The following DHPS variants were observed in gnomAD, a reference collection of about 807,000 sequenced individuals.
DHPS encodes migration-inducing gene 13.
In DHPS, 24 loss-of-function variants were observed where a neutral mutation model predicts 38.7. That is an observed-to-expected ratio of 0.62 (90% CI 0.45 to 0.87). The LOEUF is 0.87. Among genes scored for constraint, DHPS ranks in the 40% least tolerant of loss-of-function variants. The probability of loss-of-function intolerance (pLI) is 0.00; values close to 1 mark genes in which losing one functional copy is unlikely to be tolerated. For missense variants in DHPS, 510 were observed against 497.6 expected (o/e 1.02, Z -0.24); for synonymous variants, 250 against 204.4 (o/e 1.22, Z -1.90).
At position 12,680,279 on chromosome 19, in the gene DHPS, G is replaced by C. The variant is rs1050609; in HGVS notation, c.254C>G (p.Ala85Gly). The change falls in exon 2 of 9, where the codon GCG (alanine) becomes GGG (glycine). Residue 85 changes from alanine (A) to glycine (G), a missense_variant. Transcript: ENST00000210060. ...TGGGCGGCGGCTCTGGGTCAGGTCCGCGTGCTGGTCTTCATCCTGTGACAG... is the reference window on the plus strand; with the variant it reads ...TGGGCGGCGGCTCTGGGTCAGGTCCCCGTGCTGGTCTTCATCCTGTGACAG... ...EPLSQDEDQH[A>G]DLTQSRRPLT... is the part of the protein sequence containing the mutation. 3 of 1,614,112 alleles carry C rather than the reference G, an allele frequency of 1.9e-6. No individual in the cohort carries two copies. Among genetic ancestry groups the C allele is most frequent in the Non-Finnish European group, 2.5e-6 (3 of 1,180,018 alleles).
At chr19:12,681,524 C>A in intron 1 of DHPS, 36 bp downstream of exon 1, 1 of 1,612,060 alleles carries the variant, frequency 6.2e-7, no homozygotes, top group South Asian at 1.1e-5. Context: ...CAAGCCACGC[C>A]CCTCCGCGTC....
At chr19:12,678,124 T>C (rs530365295) in intron 5 of DHPS, among the ~76,000 whole-genome samples, 1 of 151,792 alleles carries the variant, frequency 6.6e-6, no homozygotes, top group South Asian at 2.1e-4. Flanking sequence ...TGGTGGCACA[T>C]GCCTATAATC....
chr19:12,676,823 T>A (rs2024605239), intron 7 of DHPS: 2 of 465,670 alleles, frequency 4.3e-6, no homozygotes, highest in Admixed American at 3.4e-5. Flanking sequence ...TCCTGGGAGA[T>A]GCCTCCCCAA....
chr19:12,673,723 CTTTTT>C, downstream of DHPS, among the ~76,000 whole-genome samples: 1 of 150,698 alleles, frequency 6.6e-6, no homozygotes, highest in East Asian at 2.0e-4. Flanking sequence ...GCCCTTTTTT[CTTTTT>C]TTGAGACTAT....
intron 1 of DHPS, 94 bp downstream of exon 1, chr19:12,681,466 T>G: frequency 1.4e-6 from 2 of 1,394,732 alleles, no homozygotes; most frequent in Admixed American, 1.9e-5. Flanking sequence ...AAAAGACATA[T>G]CCCCTCCACT....
downstream of DHPS, among the ~76,000 whole-genome samples, chr19:12,673,787 C>A (rs558945240): frequency 1.3e-5 from 2 of 152,122 alleles, no homozygotes; most frequent in Non-Finnish European, 1.5e-5. Context: ...CAACCTCTTC[C>A]CCCCAGGGTT....
chr19:12,677,456 T>C (rs2024644742), intron 5 of DHPS, 60 bp from the exon 6 acceptor site: 1 of 1,430,044 alleles, frequency 7.0e-7, no homozygotes, highest in Non-Finnish European at 9.7e-7. Context: ...ATGCTGGCTA[T>C]ATGACTATCT....
chr19:12,673,732 A>G (rs539332378), downstream of DHPS, among the ~76,000 whole-genome samples: 33 of 148,940 alleles, frequency 2.2e-4, no homozygotes, highest in Non-Finnish European at 4.2e-4. Context: ...TCTTTTTTTG[A>G]GACTATTGCC....
intron 5 of DHPS, 123 bp from the exon 6 acceptor site, chr19:12,677,519 A>G (rs1441936151): frequency 5.2e-6 from 4 of 767,760 alleles, no homozygotes; most frequent in African/African-American, 1.8e-5. Context: ...AATTATAAGC[A>G]TAACAGAAAC....
At chr19:12,678,831 T>C (rs78893384) in intron 5 of DHPS, among the ~76,000 whole-genome samples, 2,291 of 146,800 alleles carry the variant, frequency 0.016, 33 homozygotes, top group Non-Finnish European at 0.027. Flanking sequence ...AGGTTCTGAT[T>C]CTCTAATTAA....
At position 12,675,744 on chromosome 19, in the gene DHPS, C is replaced by A; in HGVS notation, c.*94G>T. On this transcript the variant is annotated 3_prime_UTR_variant, in exon 9 of 9. Coordinates refer to ENST00000210060, the MANE Select transcript of DHPS (RefSeq NM_001930.4). ...GAAGGACTTCAGATACCATCTTATT[C>A]TAGAGACGTAGCTGACCAAAAAGTA... 6.3e-7 allele frequency: 1 copy of A among 1,576,970 alleles called. No homozygotes were observed. The highest frequency in any genetic ancestry group is 8.6e-7 in the Non-Finnish European group (1 of 1,162,142).
At position 12,676,891 on chromosome 19, in the gene DHPS, G is replaced by A. The variant is rs143726559; in HGVS notation, c.888+217C>T. The A allele has an allele frequency of 6.3e-4, 360 of 568,826 alleles. 2 individuals are homozygous for A. Among genetic ancestry groups the A allele is most frequent in the African/African-American group, 6.3e-3 (338 of 53,412 alleles). 35.2% of individuals were successfully genotyped at this position (568,826 alleles called of 1,614,324 possible). ...TCCTTCCAAAACCTCTTGTTGGACA[G>A]CACCCCTTTCTCTTCTCATGCCATC... is the stretch of plus-strand genomic sequence containing the variant. On this transcript the variant is annotated intron_variant, in intron 7 of 8. Coordinates refer to ENST00000210060, the MANE Select transcript of DHPS (RefSeq NM_001930.4).
At chr19:12,676,365 A>C (rs1599378474) in intron 7 of DHPS, 1 of 565,624 alleles carries the variant, frequency 1.8e-6, no homozygotes, top group Non-Finnish European at 3.0e-6. Flanking sequence ...GGTGTCAACA[A>C]CCCTGCCCCA....
At position 12,681,838 on chromosome 19, in the gene DHPS, C is replaced by T. The variant is rs1017531279; in HGVS notation, c.-72G>A. ...TACGGCGGCCCAGAAACGCGTTAAA[C>T]CCCGACGCGCGCGTCTCCGCAAGAG... On this transcript the variant is annotated 5_prime_UTR_variant, in exon 1 of 9. Coordinates refer to ENST00000210060, the MANE Select transcript of DHPS (RefSeq NM_001930.4). 1.5e-6 allele frequency: 2 copies of T among 1,341,322 alleles called. No homozygotes were observed. The highest frequency in any genetic ancestry group is 2.5e-4 in the Middle Eastern group (1 of 3,924). 83.1% of individuals were successfully genotyped at this position (1,341,322 alleles called of 1,614,324 possible).
downstream of DHPS, chr19:12,675,378 G>A (rs2024543862): frequency 2.6e-6 from 3 of 1,148,466 alleles, no homozygotes; most frequent in African/African-American, 1.6e-5. Context: ...GCAGTGTCTA[G>A]GAGGCAATTA....
At chr19:12,673,237 A>ACTG (rs767722475), downstream of DHPS, 35 of 1,613,828 alleles carry the variant, frequency 2.2e-5, no homozygotes, top group Non-Finnish European at 2.8e-5. Flanking sequence ...TACAAGCTGG[A>ACTG]CTGCTGCCTG....
At chr19:12,679,123 C>T (rs2024712773) in intron 5 of DHPS, among the ~76,000 whole-genome samples, 1 of 151,880 alleles carries the variant, frequency 6.6e-6, no homozygotes. Flanking sequence ...CAGGGAGACC[C>T]CCATCTCTAC....
intron 1 of DHPS, among the ~76,000 whole-genome samples, chr19:12,680,530 C>T (rs928320675): frequency 2.0e-5 from 3 of 151,346 alleles, no homozygotes; most frequent in African/African-American, 4.9e-5. Context: ...GGATTTGCCC[C>T]CACCCTTTTT....
chr19:12,679,775 T>C (rs760821392), intron 3 of DHPS, 26 bp downstream of exon 3: 2 of 1,614,080 alleles, frequency 1.2e-6, no homozygotes, highest in Non-Finnish European at 1.7e-6. Flanking sequence ...CCAGCTCCCC[T>C]GCCCAACACC....
Sources: allele counts gnomAD v4.1 joint callset (sites outside exome capture counted in the v4.1 genomes callset), GRCh38; gene constraint gnomAD v4.1.1; transcripts MANE v1.5; gene names NCBI Gene and HGNC (gene_info 2026-07-23, HGNC 2026-07-21).